Variants in ANKS1B observed in about 807,000 individuals in gnomAD.
ANKS1B encodes ankyrin repeat and sterile alpha motif domain-containing protein 1B.
Under a neutral mutation model 148.3 loss-of-function variants are expected in ANKS1B, and 36 were observed. The observed-to-expected ratio is 0.24, with a 90% CI of 0.19 to 0.32. The LOEUF (loss-of-function observed/expected upper bound fraction) is 0.32. Ranked by LOEUF, ANKS1B falls within the 10% of genes least tolerant of loss-of-function variation. ANKS1B has a pLI of 1.00. For missense variants in ANKS1B, 1,157 were observed against 1,542.6 expected (o/e 0.75, Z 4.19); for synonymous variants, 542 against 560.8 (o/e 0.97, Z 0.47).
At position 99,950,308 on chromosome 12, in the gene ANKS1B, T is replaced by G. The variant is rs115589893; in HGVS notation, c.134+33796A>C. On this transcript the variant is annotated intron_variant, in intron 1 of 26. Transcript: ENST00000683438. ...GTTCTCATCTAAATATTAAGCTTAT[T>G]TGGATATTTCCTGACTGATAAATTA... Among the ~76,000 whole-genome samples, 1,329 of 151,950 alleles carry G rather than the reference T, an allele frequency of 8.7e-3. 24 individuals are homozygous for G. The highest frequency in any genetic ancestry group is 0.03 in the African/African-American group (1,262 of 41,420).
intron 8 of ANKS1B, among the ~76,000 whole-genome samples, chr12:99,733,904 T>C (rs777916107): frequency 2.6e-5 from 4 of 152,244 alleles, no homozygotes; most frequent in Non-Finnish European, 5.9e-5. Context: ...TGTCAGTAGC[T>C]AGAAAAGTAC....
intron 17 of ANKS1B, among the ~76,000 whole-genome samples, chr12:98,865,630 T>C (rs2099620505): frequency 6.6e-6 from 1 of 152,154 alleles, no homozygotes; most frequent in African/African-American, 2.4e-5. Context: ...AAAAGGGTGA[T>C]AAGAATCGAC....
chr12:99,179,197 G>C (rs1379793464), intron 14 of ANKS1B, among the ~76,000 whole-genome samples: 1 of 152,080 alleles, frequency 6.6e-6, no homozygotes, highest in African/African-American at 2.4e-5. Context: ...GGGAGGCTGA[G>C]GTGGGCGGAT....
intron 9 of ANKS1B, among the ~76,000 whole-genome samples, chr12:99,567,390 T>A (rs944657332): frequency 2.6e-5 from 4 of 152,144 alleles, no homozygotes; most frequent in African/African-American, 9.7e-5. Flanking sequence ...TTTATATGCT[T>A]ATATCCCTCT....
At chr12:99,340,918 T>C (rs1173586823) in intron 12 of ANKS1B, among the ~76,000 whole-genome samples, 1 of 152,144 alleles carries the variant, frequency 6.6e-6, no homozygotes, top group African/African-American at 2.4e-5. Flanking sequence ...AATTTAGCAG[T>C]GTATTCTTCT....
At chr12:99,200,300 T>G (rs908410406) in intron 14 of ANKS1B, among the ~76,000 whole-genome samples, 1 of 152,202 alleles carries the variant, frequency 6.6e-6, no homozygotes, top group Non-Finnish European at 1.5e-5. Context: ...TTCACATGAA[T>G]CTATAAATAC....
intron 19 of ANKS1B, among the ~76,000 whole-genome samples, chr12:98,813,942 G>A (rs1020968318): frequency 1.3e-5 from 2 of 151,606 alleles, no homozygotes; most frequent in African/African-American, 2.4e-5. Context: ...GTGCAGTAGC[G>A]TGGTCTTGGC....
chr12:99,939,117 G>T (rs991556213), intron 1 of ANKS1B, among the ~76,000 whole-genome samples: 1 of 152,012 alleles, frequency 6.6e-6, no homozygotes, highest in Non-Finnish European at 1.5e-5. Context: ...TTTGAGACAG[G>T]GTCTTGCTCT....
At chr12:98,780,464 C>T (rs2098723528) in intron 24 of ANKS1B, among the ~76,000 whole-genome samples, 1 of 152,228 alleles carries the variant, frequency 6.6e-6, no homozygotes, top group Non-Finnish European at 1.5e-5. Flanking sequence ...TGCAACCCCA[C>T]TGACCACGCT....
intron 17 of ANKS1B, among the ~76,000 whole-genome samples, chr12:98,856,509 T>C (rs1429797874): frequency 1.3e-5 from 2 of 152,226 alleles, no homozygotes; most frequent in Non-Finnish European, 2.9e-5. Context: ...GTTGATTATA[T>C]GCATGAAGAC....
At chr12:98,980,756 A>C (rs999408120) in intron 17 of ANKS1B, among the ~76,000 whole-genome samples, 1 of 152,144 alleles carries the variant, frequency 6.6e-6, no homozygotes. Flanking sequence ...AAGTTTCTAG[A>C]TATTTGCCCC....
chr12:99,150,425 A>G (rs2074514020), intron 15 of ANKS1B, among the ~76,000 whole-genome samples: 1 of 152,154 alleles, frequency 6.6e-6, no homozygotes, highest in African/African-American at 2.4e-5. Context: ...GTTCAGGAGA[A>G]AAGAGCCTGT....
chr12:99,553,711 T>C (rs7963302), intron 9 of ANKS1B, among the ~76,000 whole-genome samples: 3,345 of 152,332 alleles, frequency 0.022, 114 homozygotes, highest in South Asian at 0.065. Flanking sequence ...CTGTTTTAAC[T>C]GCCTAGCATT....
intron 15 of ANKS1B, 62 bp from the exon 16 acceptor site, chr12:99,085,085 G>C: frequency 7.5e-7 from 1 of 1,329,890 alleles, no homozygotes; most frequent in Non-Finnish European, 1.1e-6. Flanking sequence ...TAAATAACAA[G>C]GATTTATTTA....
intron 5 of ANKS1B, among the ~76,000 whole-genome samples, chr12:99,780,438 A>G (rs777231874): frequency 4.8e-5 from 6 of 124,554 alleles, no homozygotes; most frequent in Non-Finnish European, 8.8e-5. Context: ...ACCATGCCCA[A>G]CTAATTTTTT....
At position 99,702,985 on chromosome 12, in the gene ANKS1B, C is replaced by T. The variant is rs181902269; in HGVS notation, c.1129-47775G>A. ...GACAGGGTCTAATTTCATTCTTCTG[C>T]ATACAGATATCCAGTTTTCCCAGCA... On this transcript the variant is annotated intron_variant, in intron 8 of 26. Coordinates refer to ENST00000683438, the MANE Select transcript of ANKS1B (RefSeq NM_001352186.2). 5.6e-3 allele frequency among the ~76,000 whole-genome samples: 854 copies of T among 152,152 alleles called. 11 individuals carry two copies. The highest frequency in any genetic ancestry group is 0.031 in the Middle Eastern group (9 of 294).
At chr12:99,803,931 A>AT (rs1429094051) in intron 4 of ANKS1B, among the ~76,000 whole-genome samples, 1 of 152,030 alleles carries the variant, frequency 6.6e-6, no homozygotes, top group Non-Finnish European at 1.5e-5. Flanking sequence ...ATTCTTGCAA[A>AT]TTTTTTGTCT....
chr12:99,832,493 G>A (rs998727302), intron 1 of ANKS1B, among the ~76,000 whole-genome samples: 1 of 152,034 alleles, frequency 6.6e-6, no homozygotes, highest in African/African-American at 2.4e-5. Flanking sequence ...GGAGGCCGGG[G>A]CAGGTGGATT....
At chr12:99,409,213 TGGAAGTC>T (rs1399639199) in intron 11 of ANKS1B, among the ~76,000 whole-genome samples, 1 of 152,180 alleles carries the variant, frequency 6.6e-6, no homozygotes, top group African/African-American at 2.4e-5. Context: ...TGGATGGAAC[TGGAAGTC>T]ATTACGTTAA....
Sources: allele counts gnomAD v4.1 joint callset (sites outside exome capture counted in the v4.1 genomes callset), GRCh38; gene constraint gnomAD v4.1.1; transcripts MANE v1.5; gene names NCBI Gene and HGNC (gene_info 2026-07-23, HGNC 2026-07-21).